ZC3H12B: variants seen among roughly 807,000 people sequenced by gnomAD.
The protein encoded by ZC3H12B is probable ribonuclease ZC3H12B.
A neutral mutation model predicts 43.9 loss-of-function variants in ZC3H12B; 7 were observed. The observed-to-expected ratio is 0.16, with a 90% CI of 0.09 to 0.30. The LOEUF is 0.30. Among genes scored for constraint, ZC3H12B ranks in the 10% least tolerant of loss-of-function variants. The probability of loss-of-function intolerance (pLI) is 1.00; values close to 1 mark genes in which losing one functional copy is unlikely to be tolerated. For missense variants in ZC3H12B, 475 were observed against 670.2 expected (o/e 0.71, Z 3.22); for synonymous variants, 222 against 241.7 (o/e 0.92, Z 0.76).
At chrX:65,431,309 G>A (rs1217670064) in intron 3 of ZC3H12B, among the ~76,000 whole-genome samples, 1 of 112,416 alleles carries the variant, frequency 8.9e-6, no homozygotes, top group Admixed American at 9.4e-5. Context: ...CTCCTTCCAT[G>A]ATAGAAGCAG....
At chrX:65,278,283 A>T in the ZC3H12B span, among the ~76,000 whole-genome samples, 41 of 111,493 alleles carry the variant, frequency 3.7e-4, no homozygotes, top group African/African-American at 1.3e-3. Flanking sequence ...GCTAAAAGAC[A>T]CTTCCACCTG....
At chrX:65,379,934 C>A (rs1445745530) in intron 2 of ZC3H12B, among the ~76,000 whole-genome samples, 1 of 111,701 alleles carries the variant, frequency 9.0e-6, no homozygotes, top group Non-Finnish European at 1.9e-5. Context: ...ATGAGCAAAG[C>A]CTCCAAGAAA....
chrX:65,217,769 T>C, the ZC3H12B span, among the ~76,000 whole-genome samples: 3 of 109,751 alleles, frequency 2.7e-5, no homozygotes, highest in East Asian at 8.7e-4. Context: ...AAAAGAAAAA[T>C]GGAAATAGAA....
At chrX:65,286,810 CAT>C in the ZC3H12B span, among the ~76,000 whole-genome samples, 1 of 110,412 alleles carries the variant, frequency 9.1e-6, no homozygotes, top group Non-Finnish European at 1.9e-5. Flanking sequence ...AGCACACACA[CAT>C]GTATACACAT....
the ZC3H12B span, among the ~76,000 whole-genome samples, chrX:65,226,329 T>A: frequency 9.0e-6 from 1 of 110,930 alleles, no homozygotes; most frequent in African/African-American, 3.3e-5. Context: ...GCTGAGAGAT[T>A]TTGTCACCAC....
At chrX:65,333,103 A>T in the ZC3H12B span, among the ~76,000 whole-genome samples, 2 of 111,052 alleles carry the variant, frequency 1.8e-5, no homozygotes, top group South Asian at 7.6e-4. Flanking sequence ...CCTAATATAA[A>T]CTTGGGGCTC....
At chrX:65,398,814 G>A (rs1021245227) in intron 3 of ZC3H12B, 110 bp downstream of exon 5, 10 of 111,549 alleles carry the variant, frequency 9.0e-5, no homozygotes, top group African/African-American at 3.3e-4. Context: ...CATGGTCCTG[G>A]CACAAAAACA....
At chrX:65,169,614 G>A in the ZC3H12B span, among the ~76,000 whole-genome samples, 1 of 111,604 alleles carries the variant, frequency 9.0e-6, no homozygotes, top group African/African-American at 3.3e-5. Flanking sequence ...TTATTGATCT[G>A]TCTAATGTTG....
At chrX:65,401,713 G>A (rs1196893679) in intron 3 of ZC3H12B, among the ~76,000 whole-genome samples, 1 of 111,629 alleles carries the variant, frequency 9.0e-6, no homozygotes, top group African/African-American at 3.3e-5. Flanking sequence ...GAAAAGTGAG[G>A]AGGACTTTGC....
At chrX:65,101,410 T>C in the ZC3H12B span, among the ~76,000 whole-genome samples, 2 of 109,143 alleles carry the variant, frequency 1.8e-5, no homozygotes, top group African/African-American at 3.3e-5. Flanking sequence ...CTGAAGGAGA[T>C]AGAGACAATA....
At chrX:65,226,988 G>A in the ZC3H12B span, among the ~76,000 whole-genome samples, 3 of 110,812 alleles carry the variant, frequency 2.7e-5, no homozygotes, top group Admixed American at 9.6e-5. Context: ...CAGAAAGTTA[G>A]CAAGGATACC....
At chrX:65,435,695 TAG>T in intron 3 of ZC3H12B, among the ~76,000 whole-genome samples, 1 of 107,391 alleles carries the variant, frequency 9.3e-6, no homozygotes, top group South Asian at 4.0e-4. Flanking sequence ...GATAGATAGA[TAG>T]ATAGACAGTC....
At chrX:65,256,416 A>G in the ZC3H12B span, among the ~76,000 whole-genome samples, 1 of 112,198 alleles carries the variant, frequency 8.9e-6, no homozygotes, top group Non-Finnish European at 1.9e-5. Context: ...CATTGACATT[A>G]AACAACCTGC....
chrX:65,134,884 G>T, the ZC3H12B span, among the ~76,000 whole-genome samples: 1 of 111,217 alleles, frequency 9.0e-6, no homozygotes. Flanking sequence ...CAGTCAAAGG[G>T]GTTGTTCTCT....
chrX:65,311,204 C>A, the ZC3H12B span, among the ~76,000 whole-genome samples: 1 of 111,828 alleles, frequency 8.9e-6, no homozygotes. Context: ...TTAGAGTGAA[C>A]AGGCAACCTA....
the ZC3H12B span, among the ~76,000 whole-genome samples, chrX:65,036,490 A>AT: frequency 1.8e-5 from 2 of 111,561 alleles, no homozygotes; most frequent in African/African-American, 6.5e-5. Context: ...TTATGATTAA[A>AT]TTTATTGGGT....
chrX:65,158,541 C>G, the ZC3H12B span, among the ~76,000 whole-genome samples: 2 of 112,109 alleles, frequency 1.8e-5, no homozygotes, highest in African/African-American at 6.5e-5. Flanking sequence ...AGCATTTTTT[C>G]ATGTGTTTAT....
At position 65,367,477 on chromosome X, in the gene ZC3H12B, C is replaced by A. The variant is rs1036156416; in HGVS notation, n.125+715C>A. Reference sequence around the variant, plus strand: ...AGTATATTTACATAAAGCTACATACCATTTTTTTGAAATTTGCTTATGTAT... The same window carrying A: ...AGTATATTTACATAAAGCTACATACAATTTTTTTGAAATTTGCTTATGTAT... On this transcript the variant is annotated intron_variant and non_coding_transcript_variant, in intron 1 of 5. Coordinates refer to the ZC3H12B transcript ENST00000617377. Among the ~76,000 whole-genome samples, 85 of 111,309 alleles carry A rather than the reference C, an allele frequency of 7.6e-4. 2 individuals carry two copies. Among genetic ancestry groups the A allele is most frequent in the African/African-American group, 2.8e-3 (85 of 30,730 alleles).
the ZC3H12B span, among the ~76,000 whole-genome samples, chrX:65,204,011 G>A: frequency 8.9e-6 from 1 of 111,760 alleles, no homozygotes; most frequent in Non-Finnish European, 1.9e-5. Flanking sequence ...ACTGTTACAG[G>A]ACAACACTGA....
Sources: gnomAD v4.1 joint callset for allele counts (sites outside exome capture counted in the v4.1 genomes callset) on GRCh38, gnomAD v4.1.1 for gene constraint, MANE v1.5 for transcripts, NCBI Gene and HGNC (gene_info 2026-07-23, HGNC 2026-07-21) for gene names.